The following NELFB variants were observed in gnomAD, a reference collection of about 807,000 sequenced individuals.
NELFB encodes the protein negative elongation factor B.
Under a neutral mutation model 60.2 loss-of-function variants are expected in NELFB, and 34 were observed. The observed-to-expected ratio is 0.56, with a 90% confidence interval of 0.43 to 0.75. The LOEUF (loss-of-function observed/expected upper bound fraction) is 0.75. NELFB is among the 30% of genes least tolerant of loss of function. The pLI, the probability that NELFB is intolerant of heterozygous loss-of-function variation, is 0.00. For synonymous variants in NELFB, 459 were observed against 382.1 expected (o/e 1.20, Z -2.35); for missense variants, 770 against 831.6 (o/e 0.93, Z 0.91).
intron 10 of NELFB, among the ~76,000 whole-genome samples, chr9:137,270,303 G>T (rs62584913): frequency 6.6e-6 from 1 of 150,878 alleles, no homozygotes; most frequent in Non-Finnish European, 1.5e-5. Flanking sequence ...AAAAAAAAGG[G>T]CGGGGAGCCG....
At chr9:137,266,229 C>A in intron 7 of NELFB, 102 bp from the exon 8 acceptor site, 1 of 1,048,402 alleles carries the variant, frequency 9.5e-7, no homozygotes, top group Admixed American at 2.4e-5. Context: ...TGGTCCTGGC[C>A]ATGGGCACCA....
At position 137,255,532 on chromosome 9, in the gene NELFB, T is replaced by C; in HGVS notation, c.167T>C (p.Leu56Pro). 6.5e-7 allele frequency: 1 copy of C among 1,547,198 alleles called. No homozygotes were observed. The highest frequency in any genetic ancestry group is 8.7e-7 in the Non-Finnish European group (1 of 1,146,190). Residue 56 changes from leucine to proline, a missense_variant, in exon 1 of 13, where the codon CTG becomes CCG. By Grantham distance (98) the Leu-to-Pro change is moderately conservative. Transcript: ENST00000343053. ...GCCATGTTCGCGGGGCTGCAGGACCTGGGCGTGGCCAACGGCGAGGACCTG... is the reference window on the plus strand; with the variant it reads ...GCCATGTTCGCGGGGCTGCAGGACCCGGGCGTGGCCAACGGCGAGGACCTG...
At chr9:137,263,246 C>G (rs370669491) in intron 5 of NELFB, 24 bp downstream of exon 5, 46 of 1,588,642 alleles carry the variant, frequency 2.9e-5, no homozygotes, top group Non-Finnish European at 3.9e-5. Context: ...CCCTCCTTCC[C>G]CCCTACCCTC....
At chr9:137,255,718 G>T in intron 1 of NELFB, 107 bp downstream of exon 1, 1 of 1,428,224 alleles carries the variant, frequency 7.0e-7, no homozygotes, top group Non-Finnish European at 9.5e-7. Flanking sequence ...TCTGCTGGTG[G>T]CTGAGTCCTG....
chr9:137,264,944 C>T (rs1830499543), intron 6 of NELFB, among the ~76,000 whole-genome samples: 1 of 151,962 alleles, frequency 6.6e-6, no homozygotes, highest in Non-Finnish European at 1.5e-5. Context: ...AGCTGAGGGG[C>T]ATCCATTGGC....
At position 137,261,211 on chromosome 9, in the gene NELFB, G is replaced by A. The variant is rs561439977; in HGVS notation, c.742-1826G>A. The stretch of plus-strand genomic sequence containing the variant: ...AAAAATTAGCTGGGCGTGGTGGTGG[G>A]TGCCTGTAGTCCCAGCTGCTCGGGA... On this transcript the variant is annotated intron_variant, in intron 4 of 12. Transcript: ENST00000343053. Among the ~76,000 whole-genome samples the A allele has an allele frequency of 2.0e-5, 3 of 151,678 alleles. No individual in the cohort carries two copies. The East Asian group carries it at 5.8e-4, about 29-fold the overall frequency.
chr9:137,273,210 C>A lies in NELFB; in HGVS notation c.*282C>A. On this transcript the variant is annotated 3_prime_UTR_variant, in exon 13 of 13. Transcript: ENST00000343053. ...TTTTCCTGTGTTAGGAAAAAACCAC[C>A]TGTTTTCCAAGGGGAGAGGGCGGGG... 1 of 353,094 alleles carries A rather than the reference C, an allele frequency of 2.8e-6. No individual in the cohort carries two copies. Among genetic ancestry groups the A allele is most frequent in the African/African-American group, 2.1e-5 (1 of 47,264 alleles). 21.9% of individuals were successfully genotyped at this position (353,094 alleles called of 1,614,324 possible). A position where few individuals can be genotyped will look rare whatever the true frequency, so the allele number is the denominator to read the frequency against.
At chr9:137,257,845 G>GT (rs1837581395) in intron 4 of NELFB, among the ~76,000 whole-genome samples, 1 of 148,940 alleles carries the variant, frequency 6.7e-6, no homozygotes, top group South Asian at 2.2e-4. Flanking sequence ...GTCTCACTCT[G>GT]TTGCACAGGC....
intron 7 of NELFB, 110 bp downstream of exon 7, chr9:137,266,089 C>A (rs1830514564): frequency 1.1e-6 from 1 of 901,822 alleles, no homozygotes; most frequent in African/African-American, 1.6e-5. Context: ...GCTGTTGGGG[C>A]CCTGTGGCCG....
At chr9:137,263,257 C>T (rs766394199) in intron 5 of NELFB, 35 bp downstream of exon 5, 6 of 1,571,786 alleles carry the variant, frequency 3.8e-6, no homozygotes, top group Non-Finnish European at 5.2e-6. Context: ...CCCTACCCTC[C>T]TGAAGGTAGT....
chr9:137,271,474 C>T (rs553091127), intron 10 of NELFB, among the ~76,000 whole-genome samples: 19 of 152,410 alleles, frequency 1.2e-4, no homozygotes, highest in African/African-American at 4.1e-4. Context: ...GGGCGTTGTG[C>T]TGGCTCTTGG....
chr9:137,255,883 T>G, intron 1 of NELFB, 24 bp from the exon 2 acceptor site: 1 of 1,610,928 alleles, frequency 6.2e-7, no homozygotes, highest in Admixed American at 1.7e-5. Flanking sequence ...GGGCTGCGTT[T>G]GAGGTTTCTC....
intron 5 of NELFB, among the ~76,000 whole-genome samples, chr9:137,263,917 T>C (rs1292111722): frequency 6.6e-6 from 1 of 152,202 alleles, no homozygotes; most frequent in Non-Finnish European, 1.5e-5. Flanking sequence ...CCTCCAGCCC[T>C]GAGACCATCT....
In NELFB at chr9:137,272,380, C is replaced by G. The variant is rs927431251; in HGVS notation, c.1632-127C>G. On this transcript the variant is annotated intron_variant, in intron 11 of 12. Transcript: ENST00000343053. ...TGTGGCCCTGCAGGGTGCCTGGGCA[C>G]AGCTGGGGAGGGTCCCAAAGGCTGG... 4.1e-6 allele frequency: 6 copies of G among 1,453,106 alleles called. No homozygotes were observed. In the Admixed American group the frequency reaches 8.2e-5, roughly 20 times the overall value. The allele number at this position is 1,453,106 out of a possible 1,614,324, so 90.0% of individuals were successfully genotyped here.
Position 137,266,336 on chromosome 9 carries a change from C to G in NELFB, c.1149C>G (p.Ser383Arg). Residue 383 changes from serine to arginine, a missense_variant, in exon 8 of 13, where the codon AGC becomes AGG. Coordinates refer to ENST00000343053, the MANE Select transcript of NELFB (RefSeq NM_015456.5). ...TGAGCCCGTCCTCCCTACAGGACAG[C>G]CCCGACCTCCTGCTGCTGCTCCGGC... 6.2e-7 allele frequency: 1 copy of G among 1,612,622 alleles called. No individual in the cohort carries two copies. Among genetic ancestry groups the G allele is most frequent in the Non-Finnish European group, 8.5e-7 (1 of 1,179,838 alleles).
At chr9:137,263,249 C>T (rs56368095) in intron 5 of NELFB, 27 bp downstream of exon 5, 1,166,529 of 1,582,738 alleles carry the variant, frequency 0.74, 433,164 homozygotes, top group Admixed American at 0.8. Context: ...TCCTTCCCCC[C>T]TACCCTCCTG....
chr9:137,257,745 G>GC (rs1275510140), intron 4 of NELFB, among the ~76,000 whole-genome samples: 3 of 150,264 alleles, frequency 2.0e-5, no homozygotes, highest in Admixed American at 6.7e-5. Flanking sequence ...CAGGTGATCC[G>GC]CCCCCCTCGG....
chr9:137,270,447 C>T (rs372316146), intron 10 of NELFB, among the ~76,000 whole-genome samples: 10 of 150,036 alleles, frequency 6.7e-5, no homozygotes, highest in East Asian at 3.9e-4. Context: ...AGAAATTAGC[C>T]GCGTGTGTGA....
In NELFB at chr9:137,256,873, G is replaced by A. The variant is rs754387255; in HGVS notation, c.560G>A (p.Arg187Gln). The A allele has an allele frequency of 6.8e-6, 11 of 1,614,102 alleles. No individual in the cohort carries two copies. In the East Asian group the frequency reaches 1.3e-4, roughly 20 times the overall value. Residue 187 changes from arginine (R) to glutamine (Q), a missense_variant, in exon 4 of 13, where the codon CGA (arginine) becomes CAA (glutamine). Transcript: ENST00000343053. ...GTTATGGCTGACAAGGAGCTGTATC[G>A]AGCCTGCGCCGTGGAGGTGAAGCGG...
Sources: gnomAD v4.1 joint callset for allele counts (sites outside exome capture counted in the v4.1 genomes callset) on GRCh38, gnomAD v4.1.1 for gene constraint, MANE v1.5 for transcripts, NCBI Gene and HGNC (gene_info 2026-07-23, HGNC 2026-07-21) for gene names.